The following HPS3 variants were observed in gnomAD, a reference collection of about 807,000 sequenced individuals.
HPS3 encodes the protein HPS3 biogenesis of lysosomal organelles complex 2 subunit 1, also known as BLOC-2 complex member HPS3.
HPS3 carries 79 observed loss-of-function variants against 110.9 expected under a neutral mutation model. The ratio of observed to expected loss-of-function variants is 0.71; its 90% confidence interval spans 0.59 to 0.86. The LOEUF is 0.86. Ranked by LOEUF, HPS3 falls within the 40% of genes least tolerant of loss-of-function variation. HPS3 has a pLI of 0.00. For synonymous variants in HPS3, 428 were observed against 451.0 expected (o/e 0.95, Z 0.65); for missense variants, 1,197 against 1,206.2 (o/e 0.99, Z 0.11).
intron 8 of HPS3, among the ~76,000 whole-genome samples, chr3:149,156,067 A>G (rs570874095): frequency 1.4e-4 from 21 of 152,244 alleles, no homozygotes; most frequent in Admixed American, 1.2e-3. Context: ...AGAATATTCT[A>G]TATATTCCCA....
chr3:149,148,093 C>T (rs2108142404), intron 5 of HPS3, among the ~76,000 whole-genome samples: 1 of 151,836 alleles, frequency 6.6e-6, no homozygotes, highest in Admixed American at 6.5e-5. Flanking sequence ...AGCTGGTCTC[C>T]AACTCCTAAC....
chr3:149,132,552 A>G (rs565985314), intron 1 of HPS3, among the ~76,000 whole-genome samples: 18 of 152,346 alleles, frequency 1.2e-4, no homozygotes, highest in African/African-American at 4.3e-4. Context: ...TTGACAATGC[A>G]CCTAGTCCCT....
intron 16 of HPS3, 78 bp from the exon 17 acceptor site, chr3:149,172,017 T>G: frequency 6.8e-7 from 1 of 1,477,904 alleles, no homozygotes; most frequent in Non-Finnish European, 9.4e-7. Context: ...AACTGGCTTC[T>G]AATTGGTTGG....
intron 8 of HPS3, among the ~76,000 whole-genome samples, chr3:149,156,279 A>G (rs771430694): frequency 5.9e-5 from 9 of 152,176 alleles, no homozygotes; most frequent in Non-Finnish European, 1.3e-4. Flanking sequence ...TCTCTTGCAT[A>G]CCAGAATACA....
Position 149,141,377 on chromosome 3 carries a change from A to G in HPS3, c.967A>G (p.Thr323Ala). 2 of 1,611,286 alleles carry G rather than the reference A, an allele frequency of 1.2e-6. No individual in the cohort carries two copies. The highest frequency in any genetic ancestry group is 1.7e-6 in the Non-Finnish European group (2 of 1,177,538). ...HSLQLLPIYQ[T>A]GSLTSDGKNL... Reference sequence around the variant, plus strand: ...CCTCCAGCTGCTACCCATTTACCAGACCGGTAAGCATGACAGTGCAGGAGT... The same window carrying G: ...CCTCCAGCTGCTACCCATTTACCAGGCCGGTAAGCATGACAGTGCAGGAGT... The change falls in exon 4 of 17, where the codon ACC becomes GCC. Residue 323 changes from threonine (T) to alanine (A), a missense_variant. Physicochemically the swap from Thr to Ala is moderately conservative, Grantham distance 58 (BLOSUM62 0). Transcript: ENST00000296051.
chr3:149,167,353 C>A, intron 15 of HPS3, 113 bp downstream of exon 15: 1 of 803,924 alleles, frequency 1.2e-6, no homozygotes, highest in Non-Finnish European at 2.1e-6. Context: ...CATCATAAGG[C>A]TGTGTGGGTC....
chr3:149,162,346 GA>G lies in HPS3; in HGVS notation c.2292+17del. 6.2e-7 allele frequency: 1 copy of G among 1,611,722 alleles called. No homozygotes were observed. The highest frequency in any genetic ancestry group is 1.1e-5 in the South Asian group (1 of 91,016). Reference sequence around the variant, plus strand: ...TTCCTTTTTTAAGGTTTGTCACTTTGAAAATGTGATTTTTCTGGATGGCCTC... The same window carrying G: ...TTCCTTTTTTAAGGTTTGTCACTTTGAAATGTGATTTTTCTGGATGGCCTC... On this transcript the variant is annotated intron_variant, in intron 12 of 16. Transcript: ENST00000296051.
intron 1 of HPS3, among the ~76,000 whole-genome samples, chr3:149,139,535 A>G (rs17730599): frequency 0.018 from 2,686 of 152,244 alleles, 33 homozygotes; most frequent in South Asian, 0.06. Context: ...TTGGATCTGT[A>G]TTTTCTTTGC....
chr3:149,131,136 A>ACG (rs879726406), intron 1 of HPS3, among the ~76,000 whole-genome samples: 41,106 of 150,326 alleles, frequency 0.27, 6,657 homozygotes, highest in East Asian at 0.45. Context: ...AAAAAAAAAA[A>ACG]AAAACAAAAA....
chr3:149,150,653 GGA>G lies in HPS3; in HGVS notation c.1219_1220del (p.Asp407ProfsTer35), dbSNP rs1171348796. 6.2e-7 allele frequency: 1 copy of G among 1,613,980 alleles called. No individual in the cohort carries two copies. On this transcript the variant is annotated frameshift_variant, in exon 6 of 17. Coordinates refer to ENST00000296051, the MANE Select transcript of HPS3 (RefSeq NM_032383.5). LOFTEE classifies it high-confidence loss of function. ...RCSAAAAREEDPYMDTTLKAC... is the reference protein window; with the variant it reads ...RCSAAAAREEXPYMDTTLKAC... ...GCAGTGCGGCGGCAGCTCGTGAGGA[GGA>G]CCCGTACATGGACACCACCCTGAAG...
intron 6 of HPS3, 52 bp downstream of exon 6, chr3:149,150,732 A>G (rs374259754): frequency 5.1e-5 from 69 of 1,366,010 alleles, no homozygotes; most frequent in Non-Finnish European, 6.5e-5. Flanking sequence ...AAGGGAGCAC[A>G]TGAATACTCG....
rs1237958971 is a variant in HPS3 at position 149,162,186 on chromosome 3, G to A, written c.2145G>A (p.Leu715=). 4 of 1,613,852 alleles carry A rather than the reference G, an allele frequency of 2.5e-6. No individual in the cohort carries two copies. Among genetic ancestry groups the A allele is most frequent in the African/African-American group, 1.3e-5 (1 of 74,916 alleles). The part of the protein sequence containing the change: ...LVCGFILEPR[L]LIQQRKGQIV... Reference sequence around the variant, plus strand: ...GTGGCTTCATTCTGGAACCTCGGCTGTTGATTCAACAGAGAAAGGGACAGA... The same window carrying A: ...GTGGCTTCATTCTGGAACCTCGGCTATTGATTCAACAGAGAAAGGGACAGA... Residue 715 remains leucine, a synonymous_variant, in exon 12 of 17, where the codon CTG becomes CTA. Coordinates refer to ENST00000296051, the MANE Select transcript of HPS3 (RefSeq NM_032383.5).
At chr3:149,142,807 G>A (rs2108133632) in intron 4 of HPS3, among the ~76,000 whole-genome samples, 1 of 152,276 alleles carries the variant, frequency 6.6e-6, no homozygotes, top group African/African-American at 2.4e-5. Context: ...CAGATTCACA[G>A]TTGTACCCTG....
intron 5 of HPS3, among the ~76,000 whole-genome samples, chr3:149,148,647 C>T (rs11708677): frequency 0.27 from 41,241 of 151,552 alleles, 6,189 homozygotes; most frequent in African/African-American, 0.42. Flanking sequence ...TCAGGCAATT[C>T]GCCCACCTCA....
intron 9 of HPS3, 41 bp from the exon 10 acceptor site, chr3:149,158,625 A>AAT: frequency 6.3e-7 from 1 of 1,584,430 alleles, no homozygotes; most frequent in Non-Finnish European, 8.7e-7. Flanking sequence ...CCGTCTTTAA[A>AAT]AAAGTGACAA....
At position 149,172,056 on chromosome 3, in the gene HPS3, A is replaced by T. The variant is rs1185514721; in HGVS notation, c.2888-39A>T. 6 of 1,599,928 alleles carry T rather than the reference A, an allele frequency of 3.8e-6. No homozygotes were observed. The East Asian group carries it at 1.3e-4, about 36-fold the overall frequency. On this transcript the variant is annotated intron_variant, in intron 16 of 16. Coordinates refer to ENST00000296051, the MANE Select transcript of HPS3 (RefSeq NM_032383.5). ...AGTAAGAAGAGATTGAATGAAAGACAGACTTTCAATTCTAATTCAGATATT... is the reference window on the plus strand; with the variant it reads ...AGTAAGAAGAGATTGAATGAAAGACTGACTTTCAATTCTAATTCAGATATT...
In HPS3 at chr3:149,160,145, A is replaced by G; in HGVS notation, c.1972A>G (p.Thr658Ala). The G allele has an allele frequency of 6.2e-7, 1 of 1,613,798 alleles. No homozygotes were observed. ...SPSMKNINPL[T>A]AMSYLRKLDT... ...TTCTATGAAGAATATTAATCCTTTA[A>G]CTGCCATGAGCTATCTAAGGAAGCT... is the stretch of plus-strand genomic sequence containing the variant. The change falls in exon 11 of 17, where the codon ACT (threonine) becomes GCT (alanine). Residue 658 changes from threonine to alanine, a missense_variant. By Grantham distance (58) the Thr-to-Ala change is moderately conservative. Coordinates refer to ENST00000296051, the MANE Select transcript of HPS3 (RefSeq NM_032383.5).
rs1463686228 is a variant in HPS3 at position 149,173,203 on chromosome 3, G to A, written c.*981G>A. 6.6e-6 allele frequency: 1 copy of A among 152,658 alleles called. No individual in the cohort carries two copies. The highest frequency in any genetic ancestry group is 1.5e-5 in the Non-Finnish European group (1 of 68,454). 9.5% of individuals were successfully genotyped at this position (152,658 alleles called of 1,614,324 possible). On this transcript the variant is annotated 3_prime_UTR_variant, in exon 17 of 17. Coordinates refer to ENST00000296051, the MANE Select transcript of HPS3 (RefSeq NM_032383.5). Reference sequence around the variant, plus strand: ...CCAGATAACGTCCTTAAGACCATCTGTTCAGGGGTTCACAAAACTCAAATT... The same window carrying A: ...CCAGATAACGTCCTTAAGACCATCTATTCAGGGGTTCACAAAACTCAAATT...
chr3:149,171,698 CTT>C (rs1170000443), intron 16 of HPS3, among the ~76,000 whole-genome samples: 29 of 118,224 alleles, frequency 2.5e-4, no homozygotes, highest in South Asian at 1.7e-3. Flanking sequence ...GAACTGGCTT[CTT>C]TTTTTTTTTT....
Sources: gnomAD v4.1 joint callset for allele counts (sites outside exome capture counted in the v4.1 genomes callset) on GRCh38, gnomAD v4.1.1 for gene constraint, MANE v1.5 for transcripts, NCBI Gene and HGNC (gene_info 2026-07-23, HGNC 2026-07-21) for gene names.